CTNNA3: variants seen among roughly 807,000 people sequenced by gnomAD.
CTNNA3 encodes catenin alpha-3.
A neutral mutation model predicts 95.7 loss-of-function variants in CTNNA3; 76 were observed. The ratio of observed to expected loss-of-function variants is 0.79; its 90% CI spans 0.66 to 0.96. CTNNA3 has a LOEUF of 0.96. Among genes scored for constraint, CTNNA3 ranks in the 40% least tolerant of loss-of-function variants. The probability of loss-of-function intolerance (pLI) is 0.00; values close to 1 mark genes in which losing one functional copy is unlikely to be tolerated. For synonymous variants in CTNNA3, 431 were observed against 374.4 expected (o/e 1.15, Z -1.74); for missense variants, 1,191 against 1,089.8 (o/e 1.09, Z -1.31).
intron 1 of CTNNA3, among the ~76,000 whole-genome samples, chr10:67,701,568 C>T (rs552068786): frequency 7.9e-4 from 121 of 152,256 alleles, no homozygotes; most frequent in South Asian, 4.3e-3. Flanking sequence ...TACAGACAAG[C>T]AAATGCTGAG....
rs1327888794 is a variant in CTNNA3, at chr10:65,990,730, GTTGA to G, written c.2160-1937_2160-1934del. On this transcript the variant is annotated intron_variant, in intron 15 of 17. Coordinates refer to ENST00000433211, the MANE Select transcript of CTNNA3 (RefSeq NM_013266.4). ...TACTATTTAACAGGCTCTTTACTCTGTTGATTATTTCTTTTGATGTGCAGAAGCT... is the reference window on the plus strand; with the variant it reads ...TACTATTTAACAGGCTCTTTACTCTGTTATTTCTTTTGATGTGCAGAAGCT... Among the ~76,000 whole-genome samples the G allele has an allele frequency of 3.6e-4, 55 of 151,774 alleles. 1 individual carries two copies. The highest frequency in any genetic ancestry group is 1.2e-3 in the African/African-American group (49 of 41,470).
intron 5 of CTNNA3, among the ~76,000 whole-genome samples, chr10:67,248,446 C>T (rs1820598995): frequency 2.0e-5 from 3 of 152,020 alleles, no homozygotes; most frequent in South Asian, 2.1e-4. Context: ...GACAGGATCT[C>T]GCTTAGTCAC....
chr10:66,282,750 A>T (rs531084998), intron 12 of CTNNA3, among the ~76,000 whole-genome samples: 1 of 151,994 alleles, frequency 6.6e-6, no homozygotes, highest in East Asian at 1.9e-4. Flanking sequence ...CAAATGATGG[A>T]CACTCAATAA....
intron 1 of CTNNA3, among the ~76,000 whole-genome samples, chr10:67,745,348 T>C (rs925047553): frequency 5.9e-5 from 9 of 152,232 alleles, no homozygotes; most frequent in African/African-American, 2.2e-4. Context: ...GATGAGTTCA[T>C]GTCCTTTGTA....
intron 12 of CTNNA3, among the ~76,000 whole-genome samples, chr10:66,318,206 TGAATAGTTAGTG>T (rs2092127897): frequency 6.6e-6 from 1 of 151,582 alleles, no homozygotes; most frequent in Admixed American, 6.6e-5. Flanking sequence ...AAGTCATCTA[TGAATAGTTAGTG>T]GAATCAGCTG....
At chr10:67,345,603 T>C (rs377428032) in intron 5 of CTNNA3, among the ~76,000 whole-genome samples, 16 of 152,284 alleles carry the variant, frequency 1.1e-4, no homozygotes, top group African/African-American at 3.6e-4. Flanking sequence ...TTCTTATTGT[T>C]TTCGCCTTGA....
chr10:66,597,040 A>G (rs1843734695), intron 10 of CTNNA3, among the ~76,000 whole-genome samples: 1 of 152,040 alleles, frequency 6.6e-6, no homozygotes, highest in African/African-American at 2.4e-5. Flanking sequence ...AATTAATGAA[A>G]TGAAAAAATA....
At chr10:65,978,639 A>G (rs566358929) in intron 16 of CTNNA3, among the ~76,000 whole-genome samples, 2 of 152,266 alleles carry the variant, frequency 1.3e-5, no homozygotes, top group South Asian at 2.1e-4. Context: ...CCATTTCAGC[A>G]TCTCATCAAC....
chr10:66,801,138 T>A (rs1011424422), intron 7 of CTNNA3, among the ~76,000 whole-genome samples: 2 of 151,100 alleles, frequency 1.3e-5, no homozygotes, highest in African/African-American at 4.8e-5. Context: ...TCTTAGTCAA[T>A]CCAATGAGGC....
chr10:67,722,267 G>C (rs1277011639), intron 1 of CTNNA3, among the ~76,000 whole-genome samples: 1 of 152,166 alleles, frequency 6.6e-6, no homozygotes, highest in African/African-American at 2.4e-5. Flanking sequence ...TCAGAGAAAG[G>C]CTGATAGGGA....
chr10:67,488,688 T>TTTTTTTA (rs769875749), intron 5 of CTNNA3, among the ~76,000 whole-genome samples: 12 of 150,088 alleles, frequency 8.0e-5, no homozygotes, highest in South Asian at 2.1e-4. Flanking sequence ...TTTTTTTTTT[T>TTTTTTTA]GAGACAAAGT....
At chr10:66,618,423 T>A (rs1000959265) in intron 10 of CTNNA3, among the ~76,000 whole-genome samples, 1 of 152,106 alleles carries the variant, frequency 6.6e-6, no homozygotes, top group African/African-American at 2.4e-5. Context: ...TATAACTATC[T>A]GATCTTTGAC....
intron 5 of CTNNA3, among the ~76,000 whole-genome samples, chr10:67,272,090 T>C (rs1761526295): frequency 6.6e-6 from 1 of 152,242 alleles, no homozygotes; most frequent in African/African-American, 2.4e-5. Context: ...GTATCTTTTC[T>C]GGATTCTCTC....
chr10:66,334,388 G>A (rs145130015), intron 12 of CTNNA3, among the ~76,000 whole-genome samples: 7,073 of 151,802 alleles, frequency 0.047, 259 homozygotes, highest in Non-Finnish European at 0.062. Flanking sequence ...TCCATGTGTA[G>A]TGCTTCCTTC....
intron 13 of CTNNA3, among the ~76,000 whole-genome samples, chr10:66,108,427 C>T (rs1008781833): frequency 1.3e-5 from 2 of 152,110 alleles, no homozygotes; most frequent in Non-Finnish European, 2.9e-5. Flanking sequence ...CCCCTTCTTG[C>T]AGACTGGATC....
intron 11 of CTNNA3, among the ~76,000 whole-genome samples, chr10:66,450,523 C>T (rs1453051005): frequency 1.3e-5 from 2 of 151,976 alleles, no homozygotes; most frequent in Non-Finnish European, 2.9e-5. Flanking sequence ...ATTCATTTCA[C>T]AGTGAATAAG....
chr10:65,997,119 C>G (rs2078680310), intron 15 of CTNNA3, among the ~76,000 whole-genome samples: 1 of 152,114 alleles, frequency 6.6e-6, no homozygotes, highest in Non-Finnish European at 1.5e-5. Context: ...AACATGAAAA[C>G]ATGAATTAAA....
chr10:67,375,479 G>A (rs1843652143), intron 5 of CTNNA3, among the ~76,000 whole-genome samples: 1 of 152,074 alleles, frequency 6.6e-6, no homozygotes, highest in African/African-American at 2.4e-5. Flanking sequence ...TGGGCGTGAT[G>A]GCATGTTACT....
intron 14 of CTNNA3, among the ~76,000 whole-genome samples, chr10:66,088,114 T>C (rs2081058145): frequency 6.6e-6 from 1 of 152,080 alleles, no homozygotes. Flanking sequence ...CATTTTGGTC[T>C]ATAAAATTAT....
Sources: gnomAD v4.1 joint callset for allele counts (sites outside exome capture counted in the v4.1 genomes callset) on GRCh38, gnomAD v4.1.1 for gene constraint, MANE v1.5 for transcripts, NCBI Gene and HGNC (gene_info 2026-07-23, HGNC 2026-07-21) for gene names.